Variants in PTPRR observed in about 807,000 individuals in gnomAD.
PTPRR encodes receptor-type tyrosine-protein phosphatase R.
PTPRR carries 38 observed loss-of-function variants against 77.2 expected under a neutral mutation model. The ratio of observed to expected loss-of-function variants is 0.49; its 90% CI spans 0.38 to 0.65. The LOEUF is 0.65. Ranked by LOEUF, PTPRR falls within the 30% of genes least tolerant of loss-of-function variation. PTPRR has a pLI of 0.00. For synonymous variants in PTPRR, 299 were observed against 283.1 expected (o/e 1.06, Z -0.57); for missense variants, 744 against 799.2 (o/e 0.93, Z 0.83).
Position 70,673,038 on chromosome 12 carries a change from AAAAAAAAAAAAG to A in PTPRR, c.1498-10445_1498-10434del. On this transcript the variant is annotated intron_variant, in intron 10 of 13. Transcript: ENST00000283228. ...AAATACGTCGGGCCAAAGCAAAAAA[AAAAAAAAAAAAG>A]AAAGAAAGAAAGAAATATATATTTG... 1.2e-5 allele frequency: 13 copies of A among 1,123,884 alleles called. No homozygotes were observed. In the South Asian group the frequency reaches 1.7e-4, roughly 15 times the overall value. 69.6% of individuals were successfully genotyped at this position (1,123,884 alleles called of 1,614,324 possible). A position where few individuals can be genotyped will look rare whatever the true frequency, so the allele number is the denominator to read the frequency against.
In PTPRR at chr12:70,801,527, T is replaced by C. The variant is rs151211268; in HGVS notation, c.358-36749A>G. On this transcript the variant is annotated intron_variant, in intron 2 of 13. Transcript: ENST00000283228. ...AGGTACACCGGTTTTCTCCCGCTCT[T>C]GTACGTGGATTCAGATTCGAACTTA... 2.8e-3 allele frequency among the ~76,000 whole-genome samples: 420 copies of C among 152,354 alleles called. 3 individuals carry two copies. Among genetic ancestry groups the C allele is most frequent in the Non-Finnish European group, 3.4e-3 (234 of 68,026 alleles).
chr12:70,652,779 A>T (rs1260567537), intron 13 of PTPRR, among the ~76,000 whole-genome samples: 2 of 152,128 alleles, frequency 1.3e-5, no homozygotes, highest in East Asian at 1.9e-4. Flanking sequence ...GATGTGGTTT[A>T]AAAAAATGCA....
intron 2 of PTPRR, among the ~76,000 whole-genome samples, chr12:70,891,867 A>G (rs183749705): frequency 1.1e-4 from 17 of 152,240 alleles, no homozygotes; most frequent in African/African-American, 3.6e-4. Flanking sequence ...TATCTTGGCC[A>G]CACAAATCAA....
chr12:70,696,067 A>C (rs1888221513), intron 8 of PTPRR, among the ~76,000 whole-genome samples: 1 of 152,196 alleles, frequency 6.6e-6, no homozygotes, highest in Admixed American at 6.5e-5. Flanking sequence ...AAAGTTAAAA[A>C]GACTTTGTGG....
chr12:70,809,846 T>C (rs1712794714), intron 2 of PTPRR, among the ~76,000 whole-genome samples: 1 of 152,190 alleles, frequency 6.6e-6, no homozygotes, highest in African/African-American at 2.4e-5. Context: ...TGTAAAGTCG[T>C]ACTTTTAAAA....
At chr12:70,774,359 C>T (rs115560200) in intron 2 of PTPRR, among the ~76,000 whole-genome samples, 97 of 152,238 alleles carry the variant, frequency 6.4e-4, no homozygotes, top group African/African-American at 2.3e-3. Flanking sequence ...TAACTTGAGG[C>T]TTGTAACTGT....
intron 6 of PTPRR, among the ~76,000 whole-genome samples, chr12:70,706,134 T>C (rs184523942): frequency 6.6e-6 from 1 of 152,250 alleles, no homozygotes. Context: ...CTGAGTGGCA[T>C]AGGCAGTTTT....
intron 6 of PTPRR, among the ~76,000 whole-genome samples, chr12:70,738,918 A>G (rs1182871198): frequency 2.0e-5 from 3 of 152,254 alleles, no homozygotes; most frequent in Admixed American, 1.3e-4. Context: ...TGGTAGTTAC[A>G]GAGCAAGTGT....
At chr12:70,810,754 T>C (rs1378374357) in intron 2 of PTPRR, among the ~76,000 whole-genome samples, 2 of 152,156 alleles carry the variant, frequency 1.3e-5, no homozygotes, top group Non-Finnish European at 2.9e-5. Context: ...GCAATCTCAG[T>C]GCCATGCCTA....
At chr12:70,708,467 G>A (rs990571280) in intron 6 of PTPRR, among the ~76,000 whole-genome samples, 6 of 152,036 alleles carry the variant, frequency 3.9e-5, no homozygotes, top group African/African-American at 1.4e-4. Flanking sequence ...AATAAAGTCT[G>A]AGCATTAACA....
intron 13 of PTPRR, among the ~76,000 whole-genome samples, chr12:70,643,332 G>T (rs1031668810): frequency 1.3e-5 from 2 of 151,326 alleles, no homozygotes; most frequent in Non-Finnish European, 3.0e-5. Flanking sequence ...TTTTGTGTTT[G>T]TTTTGTTTGT....
At chr12:70,882,615 C>A (rs973193717) in intron 2 of PTPRR, among the ~76,000 whole-genome samples, 5 of 147,250 alleles carry the variant, frequency 3.4e-5, no homozygotes, top group African/African-American at 5.4e-5. Flanking sequence ...GAGTAAGACC[C>A]ATTTTTTTTT....
intron 2 of PTPRR, among the ~76,000 whole-genome samples, chr12:70,815,829 T>C (rs2458437): frequency 0.2 from 31,079 of 152,128 alleles, 5,077 homozygotes; most frequent in African/African-American, 0.45. Context: ...CACATAAAAA[T>C]GAAGAGCACC....
intron 2 of PTPRR, among the ~76,000 whole-genome samples, chr12:70,834,317 A>G (rs1892265279): frequency 6.6e-6 from 1 of 152,214 alleles, no homozygotes; most frequent in Non-Finnish European, 1.5e-5. Flanking sequence ...TGTATAGCAA[A>G]GCCTCATGAA....
intron 2 of PTPRR, among the ~76,000 whole-genome samples, chr12:70,782,090 T>C (rs1891214939): frequency 6.6e-6 from 1 of 152,154 alleles, no homozygotes; most frequent in Non-Finnish European, 1.5e-5. Flanking sequence ...ATTTCTTGTT[T>C]AAAAAGGGTA....
intron 12 of PTPRR, among the ~76,000 whole-genome samples, chr12:70,660,176 C>CGTA (rs1886742994): frequency 1.3e-5 from 1 of 79,388 alleles, no homozygotes; most frequent in South Asian, 5.1e-4. Flanking sequence ...GACTCTGTCT[C>CGTA]ATAATAAATA....
intron 2 of PTPRR, among the ~76,000 whole-genome samples, chr12:70,864,724 C>T (rs1892810983): frequency 6.6e-6 from 1 of 152,092 alleles, no homozygotes; most frequent in Non-Finnish European, 1.5e-5. Context: ...TGGGAGGGAC[C>T]TGGTGAGAGA....
In PTPRR at chr12:70,692,330, T is replaced by C. The variant is rs570399570; in HGVS notation, c.1279+5935A>G. ...GAATTTTCTGAGGTGATGAAAATAT[T>C]ATCTATCTGTGCTGTCCAAAAAATG... On this transcript the variant is annotated intron_variant, in intron 8 of 13. Coordinates refer to ENST00000283228, the MANE Select transcript of PTPRR (RefSeq NM_002849.4). Among the ~76,000 whole-genome samples, 7 of 148,560 alleles carry C rather than the reference T, an allele frequency of 4.7e-5. No individual in the cohort carries two copies. In the East Asian group the frequency reaches 1.3e-3, roughly 29 times the overall value.
chr12:70,677,245 A>G (rs180879010), intron 10 of PTPRR, among the ~76,000 whole-genome samples: 5 of 152,288 alleles, frequency 3.3e-5, no homozygotes, highest in Admixed American at 1.3e-4. Flanking sequence ...TACAAATGCT[A>G]CTGATTTTTG....
Sources: gnomAD v4.1 joint callset for allele counts (sites outside exome capture counted in the v4.1 genomes callset) on GRCh38, gnomAD v4.1.1 for gene constraint, MANE v1.5 for transcripts, NCBI Gene and HGNC (gene_info 2026-07-23, HGNC 2026-07-21) for gene names.